TIGD3: variants seen among roughly 807,000 people sequenced by gnomAD.
TIGD3 encodes tigger transposable element-derived protein 3.
TIGD3 carries 7 observed loss-of-function variants against 14.8 expected under a neutral mutation model. That is an observed-to-expected ratio of 0.47 (90% CI 0.27 to 0.89). The LOEUF (loss-of-function observed/expected upper bound fraction) is 0.89. Among genes scored for constraint, TIGD3 ranks in the 40% least tolerant of loss-of-function variants. TIGD3 has a pLI of 0.13. For missense variants in TIGD3, 581 were observed against 611.0 expected (o/e 0.95, Z 0.52); for synonymous variants, 243 against 269.4 (o/e 0.90, Z 0.96).
rs768894766 is a variant in TIGD3 at position 65,355,991 on chromosome 11, C to T, written c.183C>T (p.Ser61=). The change falls in exon 2 of 2, where the codon AGC becomes AGT. Residue 61 remains serine (S), a synonymous_variant. Coordinates refer to ENST00000309880, the MANE Select transcript of TIGD3 (RefSeq NM_145719.3). ...NKEKLLADWC[S]GTANRERKRK... The stretch of plus-strand genomic sequence containing the variant: ...AGAAGCTGCTGGCGGACTGGTGCAG[C>T]GGCACAGCCAACCGAGAGCGCAAGC... 3.7e-6 allele frequency: 6 copies of T among 1,613,746 alleles called. No individual in the cohort carries two copies. In the Admixed American group the frequency reaches 8.3e-5, roughly 22 times the overall value.
chr11:65,356,581 G>T lies in TIGD3; in HGVS notation c.773G>T (p.Gly258Val). The T allele has an allele frequency of 6.2e-7, 1 of 1,609,094 alleles. No homozygotes were observed. The change falls in exon 2 of 2, where the codon GGC becomes GTC. Residue 258 changes from glycine to valine, a missense_variant. Coordinates refer to ENST00000309880, the MANE Select transcript of TIGD3 (RefSeq NM_145719.3). This position sits in a 1 kb window ranked among gnomAD's most constrained non-coding sequence, Gnocchi z 5.2. ...TTTGACCGGGACATGGGACAGCAGG[G>T]CCGACAGGTGGCTTTGCTGCTGGCT... ...AQFDRDMGQQ[G>V]RQVALLLAAR...
chr11:65,356,197 G>T lies in TIGD3; in HGVS notation c.389G>T (p.Arg130Leu). ...GGCTGGCTGGTCCGCTGGAAACGCC[G>T]AAACAACGTCGGCTTTGGGGCCCGC... ...SIGWLVRWKR[R>L]NNVGFGARHV... Residue 130 changes from arginine to leucine, a missense_variant, in exon 2 of 2, where the codon CGA (arginine) becomes CTA (leucine). Transcript: ENST00000309880. The surrounding 1 kb of genome is among the most constrained non-coding windows in gnomAD (Gnocchi z 5.2). 6.2e-7 allele frequency: 1 copy of T among 1,612,000 alleles called. No homozygotes were observed. The highest frequency in any genetic ancestry group is 1.1e-5 in the South Asian group (1 of 91,090).
Position 65,355,940 on chromosome 11 carries a change from G to C in TIGD3, c.132G>C (p.Gln44His), listed in dbSNP as rs754143350. 2.5e-6 allele frequency: 4 copies of C among 1,613,958 alleles called. No homozygotes were observed. In the Admixed American group the frequency reaches 6.7e-5, roughly 27 times the overall value. Residue 44 changes from glutamine to histidine, a missense_variant, in exon 2 of 2, where the codon CAG becomes CAC. Physicochemically the swap from Gln to His is conservative, Grantham distance 24. Coordinates refer to ENST00000309880, the MANE Select transcript of TIGD3 (RefSeq NM_145719.3). ...GGCGCTTCCAGGTTTCCCAGCCCCAGATCTCGCGCATCTGCAAGAATAAGG... is the reference window on the plus strand; with the variant it reads ...GGCGCTTCCAGGTTTCCCAGCCCCACATCTCGCGCATCTGCAAGAATAAGG... ...VARRFQVSQPQISRICKNKEK... is the reference protein window; with the variant it reads ...VARRFQVSQPHISRICKNKEK...
rs759541279 is a variant in TIGD3, at chr11:65,356,106, C to T, written c.298C>T (p.Pro100Ser). The part of the protein sequence containing the change: ...ARAKAWDVTG[P>S]MLLHKAKELA... ...GGCCAAGGCCTGGGACGTGACGGGG[C>T]CCATGCTGCTCCACAAAGCCAAGGA... is the stretch of plus-strand genomic sequence containing the variant. Residue 100 changes from proline to serine, a missense_variant, in exon 2 of 2, where the codon CCC becomes TCC. Coordinates refer to ENST00000309880, the MANE Select transcript of TIGD3 (RefSeq NM_145719.3). The surrounding 1 kb of genome is among the most constrained non-coding windows in gnomAD (Gnocchi z 5.2). 1.9e-6 allele frequency: 3 copies of T among 1,611,284 alleles called. No homozygotes were observed. In the Admixed American group the frequency reaches 5.0e-5, roughly 27 times the overall value.
Position 65,356,250 on chromosome 11 carries a change from G to A in TIGD3, c.442G>A (p.Glu148Lys). ...TGTTCTTGCGCCTTCATTCCCCCCTGAGCCACCTCCCCCGGGGCTCACATC... is the reference window on the plus strand; with the variant it reads ...TGTTCTTGCGCCTTCATTCCCCCCTAAGCCACCTCCCCCGGGGCTCACATC... ...RHVLAPSFPP[E>K]PPPPGLTSQA... Residue 148 changes from glutamate (E) to lysine (K), a missense_variant, in exon 2 of 2, where the codon GAG (glutamate) becomes AAG (lysine). Coordinates refer to ENST00000309880, the MANE Select transcript of TIGD3 (RefSeq NM_145719.3). The surrounding 1 kb of genome is among the most constrained non-coding windows in gnomAD (Gnocchi z 5.2). The A allele has an allele frequency of 6.2e-7, 1 of 1,612,964 alleles. No homozygotes were observed. The highest frequency in any genetic ancestry group is 8.5e-7 in the Non-Finnish European group (1 of 1,179,996).
At position 65,356,909 on chromosome 11, in the gene TIGD3, C is replaced by T. The variant is rs1310634043; in HGVS notation, c.1101C>T (p.Pro367=). The change falls in exon 2 of 2, where the codon CCC becomes CCT. Residue 367 remains proline, a synonymous_variant. Transcript: ENST00000309880. This position sits in a 1 kb window ranked among gnomAD's most constrained non-coding sequence, Gnocchi z 5.2. ...GCTTCATTCAAGAAGGGCTGGCTCC[C>T]GGCAAAACGCCCCCGTCCTCGCACA... ...FSSFIQEGLA[P]GKTPPSSHKT... The T allele has an allele frequency of 5.0e-6, 8 of 1,613,920 alleles. No homozygotes were observed. The highest frequency in any genetic ancestry group is 2.2e-5 in the South Asian group (2 of 91,092).
chr11:65,355,920 T>C lies in TIGD3; in HGVS notation c.112T>C (p.Phe38Leu). 2 of 1,613,836 alleles carry C rather than the reference T, an allele frequency of 1.2e-6. No homozygotes were observed. Among genetic ancestry groups the C allele is most frequent in the South Asian group, 2.2e-5 (2 of 91,080 alleles). ...GTCCCAGTCGGAGGTGGCCCGGCGC[T>C]TCCAGGTTTCCCAGCCCCAGATCTC... ...KMSQSEVARR[F>L]QVSQPQISRI... Residue 38 changes from phenylalanine (F) to leucine (L), a missense_variant, in exon 2 of 2, where the codon TTC becomes CTC. Physicochemically the swap from Phe to Leu is conservative, Grantham distance 22. Coordinates refer to ENST00000309880, the MANE Select transcript of TIGD3 (RefSeq NM_145719.3).
rs1295365101 is a variant in TIGD3, at chr11:65,356,964, G to A, written c.1156G>A (p.Gly386Arg). The A allele has an allele frequency of 1.5e-5, 24 of 1,614,048 alleles. No homozygotes were observed. Among genetic ancestry groups the A allele is most frequent in the Non-Finnish European group, 1.8e-5 (21 of 1,180,042 alleles). ...CTCTGAGATGCCACCAGTCCCCGGCGGGCTGAGCCTGGAGGAGTTTTCCCG... is the reference window on the plus strand; with the variant it reads ...CTCTGAGATGCCACCAGTCCCCGGCAGGCTGAGCCTGGAGGAGTTTTCCCG... ...KTSEMPPVPGGLSLEEFSRFV... is the reference protein window; with the variant it reads ...KTSEMPPVPGRLSLEEFSRFV... The change falls in exon 2 of 2, where the codon GGG becomes AGG. Residue 386 changes from glycine to arginine, a missense_variant. Coordinates refer to ENST00000309880, the MANE Select transcript of TIGD3 (RefSeq NM_145719.3). This position sits in a 1 kb window ranked among gnomAD's most constrained non-coding sequence, Gnocchi z 5.2.
Position 65,354,817 on chromosome 11 carries a change from C to T in TIGD3, c.-157C>T, listed in dbSNP as rs1396473553. ...TCTGCTGTGCGCGCGCCCGCCCGCC[C>T]GCCGTCCGCGCAGGCCCTCGGTCCG... On this transcript the variant is annotated 5_prime_UTR_variant, in exon 1 of 2. Coordinates refer to ENST00000309880, the MANE Select transcript of TIGD3 (RefSeq NM_145719.3). 6.6e-6 allele frequency: 1 copy of T among 150,522 alleles called. No homozygotes were observed. Among genetic ancestry groups the T allele is most frequent in the African/African-American group, 2.4e-5 (1 of 40,954 alleles). 9.3% of individuals were successfully genotyped at this position (150,522 alleles called of 1,614,324 possible). A position where few individuals can be genotyped will look rare whatever the true frequency, so the allele number is the denominator to read the frequency against.
chr11:65,355,528 C>T (rs1329531024), intron 1 of TIGD3, among the ~76,000 whole-genome samples: 1 of 150,230 alleles, frequency 6.7e-6, no homozygotes, highest in East Asian at 2.0e-4. Flanking sequence ...CACTTTTCAT[C>T]CTTCTTCCCG....
intron 1 of TIGD3, among the ~76,000 whole-genome samples, 159 bp from the exon 2 acceptor site, chr11:65,355,634 C>G (rs1417995679): frequency 3.9e-5 from 6 of 152,078 alleles, no homozygotes; most frequent in African/African-American, 1.4e-4. Context: ...ACGGGGCCAG[C>G]CGGCTTCCAC....
intron 1 of TIGD3, among the ~76,000 whole-genome samples, chr11:65,355,187 T>A (rs2137724028): frequency 6.6e-6 from 1 of 151,890 alleles, no homozygotes; most frequent in African/African-American, 2.4e-5. Flanking sequence ...CCTTTGTCGC[T>A]CGTGCACCTG....
rs1854876145 is a variant in TIGD3, at chr11:65,357,531, T to C, written c.*307T>C. 4 of 288,294 alleles carry C rather than the reference T, an allele frequency of 1.4e-5. No homozygotes were observed. The highest frequency in any genetic ancestry group is 9.0e-5 in the African/African-American group (4 of 44,528). 17.9% of individuals were successfully genotyped at this position (288,294 alleles called of 1,614,324 possible). On this transcript the variant is annotated 3_prime_UTR_variant, in exon 2 of 2. Transcript: ENST00000309880. ...AGGCAGCCACTTAGAAAGGTGGAAT[T>C]TGGGCTTTTTGGACAGACTGCTTCC...
Position 65,356,382 on chromosome 11 carries a change from T to G in TIGD3, c.574T>G (p.Cys192Gly). 1 of 1,611,068 alleles carries G rather than the reference T, an allele frequency of 6.2e-7. No individual in the cohort carries two copies. Among genetic ancestry groups the G allele is most frequent in the Non-Finnish European group, 8.5e-7 (1 of 1,180,018 alleles). The change falls in exon 2 of 2, where the codon TGT becomes GGT. Residue 192 changes from cysteine to glycine, a missense_variant. Physicochemically the swap from Cys to Gly is radical, Grantham distance 159. Transcript: ENST00000309880. The surrounding 1 kb of genome is among the most constrained non-coding windows in gnomAD (Gnocchi z 5.2). Reference sequence around the variant, plus strand: ...GGCAGTGCCCGGCAGCTTTGGTGCATGTGATCAAGTACAGGTGCTGCTGTG... The same window carrying G: ...GGCAGTGCCCGGCAGCTTTGGTGCAGGTGATCAAGTACAGGTGCTGCTGTG... Reference protein sequence around the residue: ...YRAVPGSFGACDQVQVLLCAN... With the variant: ...YRAVPGSFGAGDQVQVLLCAN...
rs765575412 is a variant in TIGD3 at position 65,355,793 on chromosome 11, G to C, written c.-16G>C. ...CGCTCAATCTTTCCTCCCCGCACAG[G>C]TGCCCCGGAGAGGCCATGGAGCTGA... On this transcript the variant is annotated splice_region_variant and 5_prime_UTR_variant, in exon 2 of 2. Coordinates refer to ENST00000309880, the MANE Select transcript of TIGD3 (RefSeq NM_145719.3). 6.3e-7 allele frequency: 1 copy of C among 1,596,374 alleles called. No individual in the cohort carries two copies. The highest frequency in any genetic ancestry group is 1.8e-5 in the Admixed American group (1 of 57,026).
Position 65,357,272 on chromosome 11 carries a change from G to A in TIGD3, c.*48G>A. The A allele has an allele frequency of 1.3e-6, 2 of 1,564,890 alleles. No individual in the cohort carries two copies. The highest frequency in any genetic ancestry group is 1.7e-6 in the Non-Finnish European group (2 of 1,143,928). On this transcript the variant is annotated 3_prime_UTR_variant, in exon 2 of 2. Coordinates refer to ENST00000309880, the MANE Select transcript of TIGD3 (RefSeq NM_145719.3). The stretch of plus-strand genomic sequence containing the variant: ...AGCCCCTTCCTCTCTTGTTTCCCAT[G>A]GAAACGGCCTCTTCAGAAGGCAGAT...
In TIGD3 at chr11:65,356,433, C is replaced by A; in HGVS notation, c.625C>A (p.Arg209=). The change falls in exon 2 of 2, where the codon CGG becomes AGG. Residue 209 remains arginine, a synonymous_variant. Coordinates refer to ENST00000309880, the MANE Select transcript of TIGD3 (RefSeq NM_145719.3). The surrounding 1 kb of genome is among the most constrained non-coding windows in gnomAD (Gnocchi z 5.2). The part of the protein sequence containing the change: ...LCANSRGTEK[R]RVLLGGLQAA... ...TGCCAACAGCAGGGGCACCGAGAAG[C>A]GGCGGGTACTGCTGGGTGGGCTCCA... The A allele has an allele frequency of 1.2e-6, 2 of 1,609,296 alleles. No individual in the cohort carries two copies. Among genetic ancestry groups the A allele is most frequent in the Non-Finnish European group, 1.7e-6 (2 of 1,179,982 alleles).
intron 1 of TIGD3, among the ~76,000 whole-genome samples, 171 bp downstream of exon 1, chr11:65,355,128 C>A (rs1854829349): frequency 1.3e-5 from 2 of 151,650 alleles, no homozygotes; most frequent in South Asian, 4.2e-4. Context: ...ACCCTCCCCG[C>A]GGGGACACCC....
chr11:65,357,117 G>T lies in TIGD3; in HGVS notation c.1309G>T (p.Ala437Ser). 6.2e-7 allele frequency: 1 copy of T among 1,614,138 alleles called. No individual in the cohort carries two copies. Among genetic ancestry groups the T allele is most frequent in the Non-Finnish European group, 8.5e-7 (1 of 1,179,998 alleles). The change falls in exon 2 of 2, where the codon GCC becomes TCC. Residue 437 changes from alanine to serine, a missense_variant. Coordinates refer to ENST00000309880, the MANE Select transcript of TIGD3 (RefSeq NM_145719.3). ...GCCCACCAAAGCTGATGCCCTCCGGGCCCTGGGCACCTTGAGGAGGTGGTT... is the reference window on the plus strand; with the variant it reads ...GCCCACCAAAGCTGATGCCCTCCGGTCCCTGGGCACCTTGAGGAGGTGGTT... ...PLPTKADALR[A>S]LGTLRRWFEC...
Sources: gnomAD v4.1 joint callset for allele counts (sites outside exome capture counted in the v4.1 genomes callset) on GRCh38, gnomAD v4.1.1 for gene constraint, Gnocchi (gnomAD v3.1) non-coding constraint, MANE v1.5 for transcripts, NCBI Gene and HGNC (gene_info 2026-07-23, HGNC 2026-07-21) for gene names.